Variants in ARMC3 observed in about 807,000 individuals in gnomAD.
ARMC3 encodes the protein armadillo repeat-containing protein 3.
Under a neutral mutation model 90.3 loss-of-function variants are expected in ARMC3, and 74 were observed. The ratio of observed to expected loss-of-function variants is 0.82; its 90% CI spans 0.68 to 0.99. The LOEUF is 0.99. Among genes scored for constraint, ARMC3 ranks in the 50% least tolerant of loss-of-function variants. ARMC3 has a pLI of 0.00. For missense variants in ARMC3, 958 were observed against 1,042.8 expected (o/e 0.92, Z 1.12); for synonymous variants, 334 against 361.8 (o/e 0.92, Z 0.87).
chr10:22,955,686 G>A lies in ARMC3; in HGVS notation c.167-121G>A, dbSNP rs376189343. On this transcript the variant is annotated intron_variant, in intron 3 of 18. Transcript: ENST00000298032. ...TTGAAGTTTATTCTGAGGGAAATAC[G>A]AACGGAAGCCAAGAGTAATGTGAAA... The A allele has an allele frequency of 3.3e-6, 4 of 1,218,926 alleles. No homozygotes were observed. The Admixed American group carries it at 7.0e-5, about 21-fold the overall frequency. The allele number at this position is 1,218,926 out of a possible 1,614,324, so 75.5% of individuals were successfully genotyped here.
intron 16 of ARMC3, among the ~76,000 whole-genome samples, chr10:23,026,024 C>T (rs1838703924): frequency 2.0e-5 from 3 of 152,126 alleles, no homozygotes; most frequent in South Asian, 4.2e-4. Flanking sequence ...ACAAACTACC[C>T]GATCTCACCA....
At position 22,952,645 on chromosome 10, in the gene ARMC3, A is replaced by T. The variant is rs1040340888; in HGVS notation, c.167-3162A>T. The stretch of plus-strand genomic sequence containing the variant: ...ACACACAAATACTTTCAGAAAATTG[A>T]AAAGGATGGCATACTTCCCTATTCA... On this transcript the variant is annotated intron_variant, in intron 3 of 18. Coordinates refer to ENST00000298032, the MANE Select transcript of ARMC3 (RefSeq NM_173081.5). Among the ~76,000 whole-genome samples the T allele has an allele frequency of 2.6e-5, 4 of 152,340 alleles. No homozygotes were observed. The East Asian group carries it at 7.7e-4, about 29-fold the overall frequency.
chr10:22,946,138 T>G lies in ARMC3; in HGVS notation c.49-6T>G. 1 of 1,581,268 alleles carries G rather than the reference T, an allele frequency of 6.3e-7. No homozygotes were observed. Among genetic ancestry groups the G allele is most frequent in the African/African-American group, 1.4e-5 (1 of 73,870 alleles). On this transcript the variant is annotated splice_polypyrimidine_tract_variant and splice_region_variant and intron_variant, in intron 2 of 18. Transcript: ENST00000298032. The stretch of plus-strand genomic sequence containing the variant: ...TGAAACTGATAGTTTTCTTTCTGCC[T>G]TTCAGTTTGACCCATTAATGATTGA...
chr10:22,966,596 ATGGGTGTATT>A (rs1169159229), intron 7 of ARMC3, among the ~76,000 whole-genome samples: 1 of 152,186 alleles, frequency 6.6e-6, no homozygotes, highest in Non-Finnish European at 1.5e-5. Context: ...GCATGTGTAT[ATGGGTGTATT>A]AGTCCATTTT....
intron 10 of ARMC3, among the ~76,000 whole-genome samples, chr10:22,982,912 A>G (rs1836256883): frequency 6.6e-6 from 1 of 152,218 alleles, no homozygotes. Context: ...CAATGACTAC[A>G]AATCTAACTG....
At chr10:23,014,305 C>A in intron 16 of ARMC3, 1 of 1,426,002 alleles carries the variant, frequency 7.0e-7, no homozygotes, top group Non-Finnish European at 9.2e-7. Flanking sequence ...ACCTAGCACA[C>A]TTAGGGGCTC....
intron 10 of ARMC3, among the ~76,000 whole-genome samples, chr10:22,995,518 A>G (rs551548562): frequency 1.3e-5 from 2 of 152,292 alleles, no homozygotes; most frequent in African/African-American, 4.8e-5. Context: ...GCTATATTCC[A>G]CTGTGTACTA....
chr10:22,989,558 A>G (rs185900040), intron 10 of ARMC3, among the ~76,000 whole-genome samples: 3 of 152,328 alleles, frequency 2.0e-5, no homozygotes, highest in Non-Finnish European at 2.9e-5. Context: ...TACTCACAAG[A>G]TGAGTATCTT....
intron 14 of ARMC3, among the ~76,000 whole-genome samples, chr10:23,007,696 C>T: frequency 1.3e-5 from 1 of 75,592 alleles, no homozygotes; most frequent in African/African-American, 5.1e-5. Flanking sequence ...AAGACTCCGT[C>T]TCAAAAAAAA....
intron 11 of ARMC3, among the ~76,000 whole-genome samples, chr10:23,000,770 A>G (rs1274726130): frequency 6.6e-6 from 1 of 152,224 alleles, no homozygotes; most frequent in African/African-American, 2.4e-5. Flanking sequence ...TTGTGATGAG[A>G]GTGACTGAAA....
At chr10:23,008,097 C>A (rs886769019) in intron 14 of ARMC3, among the ~76,000 whole-genome samples, 179 bp from the exon 15 acceptor site, 4 of 152,078 alleles carry the variant, frequency 2.6e-5, no homozygotes, top group Non-Finnish European at 5.9e-5. Context: ...GAGTGAGATC[C>A]TGTCTCAAAA....
intron 13 of ARMC3, among the ~76,000 whole-genome samples, chr10:23,004,842 T>C (rs1405415590): frequency 1.3e-5 from 2 of 152,018 alleles, no homozygotes; most frequent in Non-Finnish European, 2.9e-5. Context: ...CACTGAGAAA[T>C]TGCTCCCAGG....
chr10:23,000,823 A>C (rs1031734467), intron 11 of ARMC3, among the ~76,000 whole-genome samples: 1 of 152,210 alleles, frequency 6.6e-6, no homozygotes, highest in Non-Finnish European at 1.5e-5. Context: ...GATACTACAC[A>C]TTCAAGCTGG....
intron 17 of ARMC3, among the ~76,000 whole-genome samples, chr10:23,032,028 G>A (rs1467025861): frequency 1.3e-5 from 2 of 152,160 alleles, no homozygotes. Context: ...AAGATGGGAA[G>A]ATGTATTGAA....
At chr10:22,996,759 CTT>C (rs1046556575) in intron 10 of ARMC3, among the ~76,000 whole-genome samples, 2 of 152,178 alleles carry the variant, frequency 1.3e-5, no homozygotes, top group Non-Finnish European at 2.9e-5. Flanking sequence ...CTACCAGTCT[CTT>C]TATGGAGATT....
chr10:22,995,286 G>A (rs1002792742), intron 10 of ARMC3, among the ~76,000 whole-genome samples: 1 of 152,030 alleles, frequency 6.6e-6, no homozygotes, highest in African/African-American at 2.4e-5. Flanking sequence ...GTTTTTTAAA[G>A]TACAAGTTCT....
chr10:22,985,711 G>A (rs570411654), intron 10 of ARMC3, among the ~76,000 whole-genome samples: 1 of 152,278 alleles, frequency 6.6e-6, no homozygotes, highest in African/African-American at 2.4e-5. Flanking sequence ...GATATGGATG[G>A]TAGTTAAAAA....
At position 22,959,402 on chromosome 10, in the gene ARMC3, A is replaced by T. The variant is rs141526376; in HGVS notation, c.365A>T (p.Glu122Val). 58 of 1,600,738 alleles carry T rather than the reference A, an allele frequency of 3.6e-5. No individual in the cohort carries two copies. The highest frequency in any genetic ancestry group is 2.3e-4 in the South Asian group (20 of 87,834). The change falls in exon 6 of 19, where the codon GAA becomes GTA. Residue 122 changes from glutamate (E) to valine (V), a missense_variant. Coordinates refer to ENST00000298032, the MANE Select transcript of ARMC3 (RefSeq NM_173081.5). ...GTTATTTATTTTTGATACACAGAAG[A>T]AGTAGTTATCCATGAGTTTGCTAGT... ...SVIAQLAPEEEVVIHEFASLC... is the reference protein window; with the variant it reads ...SVIAQLAPEEVVVIHEFASLC...
chr10:22,975,381 C>T (rs977534825), intron 8 of ARMC3, among the ~76,000 whole-genome samples: 4 of 152,038 alleles, frequency 2.6e-5, no homozygotes, highest in African/African-American at 7.2e-5. Flanking sequence ...ATGGTGAAAC[C>T]GTGAAACCCC....
Sources: allele counts gnomAD v4.1 joint callset (sites outside exome capture counted in the v4.1 genomes callset), GRCh38; gene constraint gnomAD v4.1.1; transcripts MANE v1.5; gene names NCBI Gene and HGNC (gene_info 2026-07-23, HGNC 2026-07-21).